The following RALGAPA2 variants were observed in gnomAD, a reference collection of about 807,000 sequenced individuals.
RALGAPA2 encodes the protein Ral GTPase activating protein catalytic subunit alpha 2.
Under a neutral mutation model 230.4 loss-of-function variants are expected in RALGAPA2, and 139 were observed. The ratio of observed to expected loss-of-function variants is 0.60; its 90% confidence interval spans 0.53 to 0.69. RALGAPA2 has a LOEUF of 0.69. Among genes scored for constraint, RALGAPA2 ranks in the 30% least tolerant of loss-of-function variants. The probability of loss-of-function intolerance (pLI) is 0.00; values close to 1 mark genes in which losing one functional copy is unlikely to be tolerated. For synonymous variants in RALGAPA2, 847 were observed against 837.8 expected, an observed-to-expected ratio of 1.01 and a Z score of -0.19; for missense variants, 2,163 against 2,276.0, an observed-to-expected ratio of 0.95 and a Z score of 1.01.
chr20:20,664,582 T>G (rs1458894945), intron 3 of RALGAPA2, among the ~76,000 whole-genome samples: 2 of 152,198 alleles, frequency 1.3e-5, no homozygotes, highest in African/African-American at 4.8e-5. Flanking sequence ...AAATCTGCCA[T>G]GCTATTCTTC....
rs1447887771 is a variant in RALGAPA2 at position 20,712,363 on chromosome 20, C to T, written c.106+12G>A. ...CCGGCGCCCCGACCCCCGCGCCCGG[C>T]GCGCGCCTCACCCAGCAGCGCCCGC... On this transcript the variant is annotated intron_variant, in intron 1 of 39. Coordinates refer to ENST00000202677, the MANE Select transcript of RALGAPA2 (RefSeq NM_020343.4). This position sits in a 1 kb window ranked among gnomAD's most constrained non-coding sequence, Gnocchi z 5.5. The T allele has an allele frequency of 4.5e-6, 7 of 1,545,344 alleles. No homozygotes were observed. Among genetic ancestry groups the T allele is most frequent in the Admixed American group, 2.0e-5 (1 of 50,718 alleles).
At position 20,518,698 on chromosome 20, in the gene RALGAPA2, A is replaced by T. The variant is rs149501228; in HGVS notation, c.4084+2219T>A. 3.9e-5 allele frequency among the ~76,000 whole-genome samples: 6 copies of T among 152,302 alleles called. No individual in the cohort carries two copies. The East Asian group carries it at 9.6e-4, about 24-fold the overall frequency. ...AAAAATGGTGCCAGAATTTAAATGT[A>T]TATTTTTAGGTTTTTCCTTTTTCAA... On this transcript the variant is annotated intron_variant, in intron 31 of 39. Coordinates refer to ENST00000202677, the MANE Select transcript of RALGAPA2 (RefSeq NM_020343.4).
chr20:20,673,164 G>A (rs774263484), intron 3 of RALGAPA2, among the ~76,000 whole-genome samples: 4 of 149,842 alleles, frequency 2.7e-5, no homozygotes, highest in Non-Finnish European at 4.4e-5. Flanking sequence ...CAGCCTGGGC[G>A]ACAGAGAAAG....
intron 9 of RALGAPA2, among the ~76,000 whole-genome samples, chr20:20,633,057 TTTC>T (rs1419507197): frequency 1.3e-5 from 2 of 151,804 alleles, no homozygotes; most frequent in South Asian, 2.1e-4. Context: ...CCTTCCTTTC[TTTC>T]TTTTCTCTTT....
intron 36 of RALGAPA2, among the ~76,000 whole-genome samples, chr20:20,475,077 A>G (rs139013859): frequency 1.3e-5 from 2 of 152,348 alleles, no homozygotes; most frequent in African/African-American, 4.8e-5. Context: ...TACCTGCTAA[A>G]TGAGTTACAT....
Position 20,572,905 on chromosome 20 carries a change from A to G in RALGAPA2, c.2871T>C (p.Tyr957=). Residue 957 remains tyrosine (Y), a synonymous_variant, in exon 21 of 40, where the codon TAT becomes TAC. Transcript: ENST00000202677. Reference sequence around the variant, plus strand: ...CTAGTTTGTACCAGAGTTCATAGAGATAGCAGAAAACTCTGGCATGGATCT... The same window carrying G: ...CTAGTTTGTACCAGAGTTCATAGAGGTAGCAGAAAACTCTGGCATGGATCT... ...SPKIHARVFC[Y]LYELWYKLAK... is the part of the protein sequence containing the mutation. 2 of 1,561,208 alleles carry G rather than the reference A, an allele frequency of 1.3e-6. No individual in the cohort carries two copies. The highest frequency in any genetic ancestry group is 2.4e-5 in the South Asian group (2 of 84,758).
intron 15 of RALGAPA2, among the ~76,000 whole-genome samples, chr20:20,603,726 C>T (rs141286709): frequency 2.6e-5 from 4 of 152,288 alleles, no homozygotes; most frequent in African/African-American, 9.6e-5. Flanking sequence ...AAGCAAAGAC[C>T]AGCAGAAGAA....
At chr20:20,395,299 C>A (rs141726383) in intron 39 of RALGAPA2, among the ~76,000 whole-genome samples, 1 of 152,262 alleles carries the variant, frequency 6.6e-6, no homozygotes, top group East Asian at 1.9e-4. Context: ...TGCCACAGCA[C>A]CCCGTGGTGG....
At chr20:20,627,585 C>CT (rs1269455934) in intron 10 of RALGAPA2, among the ~76,000 whole-genome samples, 1 of 152,172 alleles carries the variant, frequency 6.6e-6, no homozygotes, top group Non-Finnish European at 1.5e-5. Context: ...TCTCAGTAAA[C>CT]TTGTGCCCTG....
chr20:20,601,756 C>T lies in RALGAPA2; in HGVS notation c.2129G>A (p.Arg710Gln), dbSNP rs1197749801. The T allele has an allele frequency of 1.9e-6, 3 of 1,613,766 alleles. No homozygotes were observed. Among genetic ancestry groups the T allele is most frequent in the South Asian group, 1.1e-5 (1 of 91,080 alleles). ...TCCAGACGTGGTGGCACTCCTAAAT[C>T]GCATCGGTTCGGTCACATCTGGGTG... is the stretch of plus-strand genomic sequence containing the variant. ...RSHPDVTEPM[R>Q]FRSATTSGAP... The change falls in exon 16 of 40, where the codon CGA (arginine) becomes CAA (glutamine). Residue 710 changes from arginine (R) to glutamine (Q), a missense_variant. Coordinates refer to ENST00000202677, the MANE Select transcript of RALGAPA2 (RefSeq NM_020343.4).
At chr20:20,411,216 A>T (rs142149840) in intron 38 of RALGAPA2, among the ~76,000 whole-genome samples, 1 of 152,218 alleles carries the variant, frequency 6.6e-6, no homozygotes, top group Non-Finnish European at 1.5e-5. Flanking sequence ...CTCAACATGC[A>T]TTGGCTAAAT....
At chr20:20,418,737 A>ATTAT (rs11474206) in intron 37 of RALGAPA2, among the ~76,000 whole-genome samples, 97,157 of 149,992 alleles carry the variant, frequency 0.65, 31,461 homozygotes, top group African/African-American at 0.7. Context: ...ATTGCTATAC[A>ATTAT]TTATTTATTT....
intron 31 of RALGAPA2, among the ~76,000 whole-genome samples, chr20:20,519,876 ATT>A (rs890839627): frequency 6.8e-6 from 1 of 146,226 alleles, no homozygotes. Flanking sequence ...CATCTCTTTA[ATT>A]TTTTTTTTTT....
At chr20:20,416,642 T>C (rs1344763771) in intron 37 of RALGAPA2, among the ~76,000 whole-genome samples, 2 of 152,236 alleles carry the variant, frequency 1.3e-5, no homozygotes, top group African/African-American at 2.4e-5. Context: ...AAGCTGCATC[T>C]ATACCCAGAT....
At chr20:20,429,094 T>G (rs2328514) in intron 37 of RALGAPA2, among the ~76,000 whole-genome samples, 97,961 of 151,830 alleles carry the variant, frequency 0.65, 31,615 homozygotes, top group African/African-American at 0.69. Context: ...CATGAAGCTC[T>G]TTGTAGCCAA....
intron 3 of RALGAPA2, chr20:20,659,830 A>G: frequency 1.3e-6 from 1 of 755,656 alleles, no homozygotes; most frequent in Non-Finnish European, 2.2e-6. Context: ...TCAGAGCAGC[A>G]GCAAGAGGAA....
intron 16 of RALGAPA2, among the ~76,000 whole-genome samples, chr20:20,597,832 C>T (rs1479384468): frequency 6.6e-6 from 1 of 152,028 alleles, no homozygotes; most frequent in African/African-American, 2.4e-5. Flanking sequence ...GAGAGAGATT[C>T]TGTCTCAAAA....
chr20:20,440,572 G>C (rs1448449983), intron 37 of RALGAPA2, among the ~76,000 whole-genome samples: 1 of 152,172 alleles, frequency 6.6e-6, no homozygotes, highest in Non-Finnish European at 1.5e-5. Context: ...GCTCTGAATA[G>C]AAGCACTTTT....
intron 37 of RALGAPA2, among the ~76,000 whole-genome samples, chr20:20,456,056 T>C (rs940642863): frequency 6.6e-6 from 1 of 152,244 alleles, no homozygotes; most frequent in African/African-American, 2.4e-5. Flanking sequence ...TGAACTCTAT[T>C]GCTTTCATGA....
Sources: allele counts gnomAD v4.1 joint callset (sites outside exome capture counted in the v4.1 genomes callset), GRCh38; gene constraint gnomAD v4.1.1; non-coding constraint Gnocchi (gnomAD v3.1); transcripts MANE v1.5; gene names NCBI Gene and HGNC (gene_info 2026-07-23, HGNC 2026-07-21).